The following LRIG1 variants were observed in gnomAD, a reference collection of about 807,000 sequenced individuals.
The protein encoded by LRIG1 is leucine-rich repeats and immunoglobulin-like domains protein 1.
Under a neutral mutation model 99.2 loss-of-function variants are expected in LRIG1, and 48 were observed. The observed-to-expected ratio is 0.48, with a 90% CI of 0.38 to 0.62. The LOEUF is 0.62. LRIG1 is among the 20% of genes least tolerant of loss of function. The pLI is 0.00. For synonymous variants in LRIG1, 772 were observed against 596.1 expected (o/e 1.29, Z -4.30); for missense variants, 1,646 against 1,434.4 (o/e 1.15, Z -2.38).
intron 1 of LRIG1, among the ~76,000 whole-genome samples, chr3:66,467,354 G>C (rs1198800153): frequency 1.4e-5 from 2 of 138,944 alleles, no homozygotes; most frequent in Non-Finnish European, 3.0e-5. Context: ...GGCCACACTA[G>C]CTATTTTTTT....
intron 2 of LRIG1, among the ~76,000 whole-genome samples, chr3:66,462,054 G>C (rs961511803): frequency 5.3e-5 from 8 of 152,192 alleles, no homozygotes; most frequent in Non-Finnish European, 7.3e-5. Context: ...GACCAGCCTG[G>C]CCAACACGGC....
intron 3 of LRIG1, among the ~76,000 whole-genome samples, chr3:66,444,451 CTG>C (rs1225841278): frequency 2.0e-5 from 3 of 152,204 alleles, no homozygotes; most frequent in Non-Finnish European, 2.9e-5. Flanking sequence ...TGCCACCACA[CTG>C]GTGACATTAG....
Position 66,480,170 on chromosome 3 carries a change from G to A in LRIG1, c.219-17661C>T, listed in dbSNP as rs547473340. The stretch of plus-strand genomic sequence containing the variant: ...TACTGATACCTGCCATAATATGGAC[G>A]AATCATGACAACACTGTGCTAAGTA... On this transcript the variant is annotated intron_variant, in intron 1 of 18. Transcript: ENST00000273261. Among the ~76,000 whole-genome samples, 47 of 152,228 alleles carry A rather than the reference G, an allele frequency of 3.1e-4. 1 individual carries two copies. The highest frequency in any genetic ancestry group is 4.6e-4 in the Admixed American group (7 of 15,288).
intron 1 of LRIG1, among the ~76,000 whole-genome samples, chr3:66,471,528 C>T (rs780888975): frequency 3.9e-5 from 6 of 152,198 alleles, no homozygotes; most frequent in Non-Finnish European, 7.4e-5. Flanking sequence ...CCTAGGGCCC[C>T]AGCCGCTGCA....
At chr3:66,417,895 G>A (rs553448990) in intron 3 of LRIG1, among the ~76,000 whole-genome samples, 5 of 152,002 alleles carry the variant, frequency 3.3e-5, no homozygotes, top group South Asian at 4.2e-4. Context: ...TGAACCTCCC[G>A]ACTCTACCAT....
In LRIG1 at chr3:66,380,720, T is replaced by A. The variant is rs140085866; in HGVS notation, c.2912A>T (p.Asp971Val). ...CTGGTGATGTGGAGAATGCTCTTGG[T>A]CACTCCCACCCGGCTCCGGGCCATT... is the stretch of plus-strand genomic sequence containing the variant. ...APNGPEPGGSDQEHSPHHQCS... is the reference protein window; with the variant it reads ...APNGPEPGGSVQEHSPHHQCS... Residue 971 changes from aspartate (D) to valine (V), a missense_variant, in exon 18 of 19, where the codon GAC becomes GTC. Coordinates refer to ENST00000273261, the MANE Select transcript of LRIG1 (RefSeq NM_015541.3). 1.1e-3 allele frequency: 1,740 copies of A among 1,614,190 alleles called. 3 individuals carry two copies. The highest frequency in any genetic ancestry group is 1.2e-3 in the Non-Finnish European group (1,458 of 1,180,024).
Position 66,390,400 on chromosome 3 carries a change from C to A in LRIG1, c.1468+3640G>T, listed in dbSNP as rs78200096. On this transcript the variant is annotated intron_variant, in intron 12 of 18. Transcript: ENST00000273261. ...AGCAAAAAGAATAAAAACAGAAATACCTTTAACAGTAGTTGAAGATGTGTA... is the reference window on the plus strand; with the variant it reads ...AGCAAAAAGAATAAAAACAGAAATAACTTTAACAGTAGTTGAAGATGTGTA... Among the ~76,000 whole-genome samples the A allele has an allele frequency of 1.4e-3, 218 of 152,180 alleles. 1 individual carries two copies. The highest frequency in any genetic ancestry group is 4.9e-3 in the African/African-American group (203 of 41,546).
chr3:66,435,364 G>C (rs1703321474), intron 3 of LRIG1, among the ~76,000 whole-genome samples: 1 of 152,088 alleles, frequency 6.6e-6, no homozygotes, highest in South Asian at 2.1e-4. Context: ...TTTGAGACCA[G>C]CCTTCCCAAC....
chr3:66,484,176 TAC>T (rs1700915723), intron 1 of LRIG1, among the ~76,000 whole-genome samples: 1 of 152,102 alleles, frequency 6.6e-6, no homozygotes, highest in Admixed American at 6.5e-5. Context: ...ATTCAGGAAA[TAC>T]ACAGATGAAG....
Position 66,489,147 on chromosome 3 carries a change from G to C in LRIG1, c.218+11043C>G, listed in dbSNP as rs181816302. Among the ~76,000 whole-genome samples the C allele has an allele frequency of 1.6e-3, 240 of 152,252 alleles. 2 individuals carry two copies. The highest frequency in any genetic ancestry group is 5.1e-3 in the African/African-American group (213 of 41,558). On this transcript the variant is annotated intron_variant, in intron 1 of 18. Transcript: ENST00000273261. ...CAATAATATCTCAAGGCTCACAAAA[G>C]GGTCCCTCATTGAGACTCTGCATGC...
At position 66,431,098 on chromosome 3, in the gene LRIG1, G is replaced by A. The variant is rs1208348956; in HGVS notation, c.366-13832C>T. ...TATCAAGCTGTGTCATGTGGAGCCAGCAAGCCCGGCACAACCGTGGATCCC... is the reference window on the plus strand; with the variant it reads ...TATCAAGCTGTGTCATGTGGAGCCAACAAGCCCGGCACAACCGTGGATCCC... On this transcript the variant is annotated intron_variant, in intron 3 of 18. Transcript: ENST00000273261. Among the ~76,000 whole-genome samples the A allele has an allele frequency of 5.3e-5, 8 of 152,232 alleles. No individual in the cohort carries two copies. The South Asian group carries it at 1.7e-3, about 32-fold the overall frequency.
intron 1 of LRIG1, among the ~76,000 whole-genome samples, chr3:66,474,421 C>A (rs1021687501): frequency 6.6e-6 from 1 of 151,516 alleles, no homozygotes; most frequent in Non-Finnish European, 1.5e-5. Context: ...TCTCAGCTCA[C>A]TGCAAACCCT....
intron 1 of LRIG1, among the ~76,000 whole-genome samples, chr3:66,463,337 GA>G (rs1700399601): frequency 6.6e-6 from 1 of 152,236 alleles, no homozygotes; most frequent in African/African-American, 2.4e-5. Flanking sequence ...TCACACAGGA[GA>G]AAAGGGCCAG....
At chr3:66,481,017 T>C (rs938054993) in intron 1 of LRIG1, among the ~76,000 whole-genome samples, 25 of 152,158 alleles carry the variant, frequency 1.6e-4, no homozygotes, top group Admixed American at 7.2e-4. Flanking sequence ...TGTGAAACTA[T>C]ATGTTTCAGT....
At chr3:66,489,368 A>T (rs1701048118) in intron 1 of LRIG1, among the ~76,000 whole-genome samples, 1 of 152,166 alleles carries the variant, frequency 6.6e-6, no homozygotes, top group Non-Finnish European at 1.5e-5. Flanking sequence ...CACAAAAAAT[A>T]AAAACTAGCC....
chr3:66,384,223 G>A lies in LRIG1; in HGVS notation c.1839C>T (p.Thr613=), dbSNP rs201452979. The change falls in exon 14 of 19, where the codon ACC becomes ACT. Residue 613 remains threonine (T), a synonymous_variant. Coordinates refer to ENST00000273261, the MANE Select transcript of LRIG1 (RefSeq NM_015541.3). ...KTPHDITIRT[T]TMARLECAAT... ...CAGCACATTCGAGGCGGGCCATGGT[G>A]GTGGTCCGGATGGTTATGTCGTGGG... 6.2e-7 allele frequency: 1 copy of A among 1,613,992 alleles called. No homozygotes were observed. Among genetic ancestry groups the A allele is most frequent in the Non-Finnish European group, 8.5e-7 (1 of 1,179,886 alleles).
At chr3:66,430,181 C>T (rs557285959) in intron 3 of LRIG1, among the ~76,000 whole-genome samples, 402 of 128,610 alleles carry the variant, frequency 3.1e-3, no homozygotes, top group East Asian at 0.021. Context: ...AAAACAACAA[C>T]AACAACAACA....
rs753220679 is a variant in LRIG1 at position 66,386,069 on chromosome 3, G to A, written c.1701C>T (p.Val567=). 6.2e-7 allele frequency: 1 copy of A among 1,614,190 alleles called. No individual in the cohort carries two copies. The highest frequency in any genetic ancestry group is 8.5e-7 in the Non-Finnish European group (1 of 1,180,044). Residue 567 remains valine, a synonymous_variant, in exon 13 of 19, where the codon GTC becomes GTT. Transcript: ENST00000273261. The part of the protein sequence containing the change: ...EYTTILHLRQ[V]TFGHEGRYQC... Reference sequence around the variant, plus strand: ...GGTAGCGGCCCTCGTGCCCGAAAGTGACCTGACGGAGGTGCAGGATGGTGG... The same window carrying A: ...GGTAGCGGCCCTCGTGCCCGAAAGTAACCTGACGGAGGTGCAGGATGGTGG...
intron 8 of LRIG1, chr3:66,406,512 C>A (rs1188241003): frequency 1.3e-6 from 1 of 743,440 alleles, no homozygotes; most frequent in Admixed American, 6.3e-5. Context: ...CTGCCAGGTG[C>A]AAGTGCAAAG....
Sources: allele counts gnomAD v4.1 joint callset (sites outside exome capture counted in the v4.1 genomes callset), GRCh38; gene constraint gnomAD v4.1.1; transcripts MANE v1.5; gene names NCBI Gene and HGNC (gene_info 2026-07-23, HGNC 2026-07-21).